The following SCML4 variants were observed in gnomAD, a reference collection of about 807,000 sequenced individuals.
SCML4 encodes Scm polycomb group protein like 4, also known as sex comb on midleg-like protein 4.
A neutral mutation model predicts 41.1 loss-of-function variants in SCML4; 34 were observed. The ratio of observed to expected loss-of-function variants is 0.83; its 90% confidence interval spans 0.63 to 1.10. The LOEUF (loss-of-function observed/expected upper bound fraction) is 1.10. SCML4 is among the 50% of genes least tolerant of loss of function. SCML4 has a pLI of 0.00. For synonymous variants in SCML4, 214 were observed against 220.9 expected (o/e 0.97, Z 0.28); for missense variants, 522 against 534.1 (o/e 0.98, Z 0.22).
At chr6:107,786,128 T>C (rs1458599472) in intron 1 of SCML4, among the ~76,000 whole-genome samples, 1 of 152,228 alleles carries the variant, frequency 6.6e-6, no homozygotes, top group Non-Finnish European at 1.5e-5. Context: ...TCTGGAATAA[T>C]GAAACTGACC....
chr6:107,811,678 G>A (rs1175976938), intron 1 of SCML4, among the ~76,000 whole-genome samples: 1 of 152,184 alleles, frequency 6.6e-6, no homozygotes, highest in African/African-American at 2.4e-5. Flanking sequence ...TCCAGTCAAA[G>A]AGGCCAAAGA....
intron 2 of SCML4, among the ~76,000 whole-genome samples, chr6:107,768,356 C>A (rs1251778167): frequency 2.6e-5 from 4 of 152,128 alleles, no homozygotes; most frequent in African/African-American, 9.7e-5. Context: ...GTTATTTAGC[C>A]CTTGTTACAG....
intron 5 of SCML4, among the ~76,000 whole-genome samples, chr6:107,728,863 C>T (rs1212101818): frequency 6.6e-6 from 1 of 152,160 alleles, no homozygotes; most frequent in African/African-American, 2.4e-5. Flanking sequence ...TCCTGGGTGG[C>T]CGCGAGTGAA....
At chr6:107,740,611 T>A (rs886298018) in intron 5 of SCML4, among the ~76,000 whole-genome samples, 2 of 152,190 alleles carry the variant, frequency 1.3e-5, no homozygotes, top group African/African-American at 4.8e-5. Flanking sequence ...AGGATCATCT[T>A]AGATCCTTTC....
At chr6:107,778,678 G>A (rs947194398) in intron 1 of SCML4, among the ~76,000 whole-genome samples, 1 of 152,076 alleles carries the variant, frequency 6.6e-6, no homozygotes, top group African/African-American at 2.4e-5. Flanking sequence ...AGGTCCTGGC[G>A]AATCATGCTT....
intron 1 of SCML4, among the ~76,000 whole-genome samples, chr6:107,823,111 AC>A (rs1785067155): frequency 6.6e-6 from 1 of 152,118 alleles, no homozygotes; most frequent in Non-Finnish European, 1.5e-5. Flanking sequence ...TATAACAAAT[AC>A]CCTGATTCTG....
chr6:107,726,305 G>T (rs1302880958), intron 5 of SCML4, among the ~76,000 whole-genome samples: 1 of 151,758 alleles, frequency 6.6e-6, no homozygotes. Context: ...AGGCTGAGGC[G>T]GGTGGATCAT....
chr6:107,777,799 C>A (rs556376645), intron 1 of SCML4, among the ~76,000 whole-genome samples: 1 of 152,274 alleles, frequency 6.6e-6, no homozygotes, highest in African/African-American at 2.4e-5. Context: ...ACACCACCTC[C>A]CCACAGGTGG....
chr6:107,810,435 G>A (rs1784073133), intron 1 of SCML4, among the ~76,000 whole-genome samples: 1 of 152,186 alleles, frequency 6.6e-6, no homozygotes, highest in East Asian at 1.9e-4. Flanking sequence ...AAAAGGCAGA[G>A]AGGGGCGTTG....
chr6:107,794,099 G>A (rs1390442016), intron 1 of SCML4, among the ~76,000 whole-genome samples: 1 of 152,218 alleles, frequency 6.6e-6, no homozygotes, highest in East Asian at 1.9e-4. Flanking sequence ...TTTTCAAAAA[G>A]TATCTTTGCT....
intron 6 of SCML4, among the ~76,000 whole-genome samples, chr6:107,715,167 G>A (rs1230770524): frequency 5.8e-4 from 80 of 137,582 alleles, no homozygotes; most frequent in Non-Finnish European, 9.2e-4. Context: ...TAGGGACGGG[G>A]TTTCACCATA....
At chr6:107,707,806 A>T in intron 7 of SCML4, 60 bp downstream of exon 7, 1 of 1,547,274 alleles carries the variant, frequency 6.5e-7, no homozygotes, top group Non-Finnish European at 8.7e-7. Context: ...CCTGGACCTC[A>T]CTCTCCTTCT....
intron 5 of SCML4, among the ~76,000 whole-genome samples, chr6:107,733,777 C>T (rs1776782711): frequency 6.6e-6 from 1 of 152,224 alleles, no homozygotes; most frequent in African/African-American, 2.4e-5. Flanking sequence ...AATCAGAGAA[C>T]TTGGTTTCCA....
At chr6:107,763,288 A>T (rs1029961648) in intron 2 of SCML4, among the ~76,000 whole-genome samples, 1 of 151,920 alleles carries the variant, frequency 6.6e-6, no homozygotes, top group Non-Finnish European at 1.5e-5. Flanking sequence ...ACTAACACCC[A>T]ATGTGAAGGT....
At chr6:107,756,264 G>C (rs9400139) in intron 2 of SCML4, among the ~76,000 whole-genome samples, 22,589 of 152,046 alleles carry the variant, frequency 0.15, 1,896 homozygotes, top group Middle Eastern at 0.2. Flanking sequence ...TCAACCATAG[G>C]ATCAAGGTCA....
Position 107,790,375 on chromosome 6 carries a change from C to A in SCML4, c.-59-17989G>T, listed in dbSNP as rs568455931. ...GGGGAGAGAGAGCAATACAATGATA[C>A]AATTGAGGACTTCCACTTCTTAGTT... On this transcript the variant is annotated intron_variant, in intron 1 of 7. Coordinates refer to ENST00000369020, the MANE Select transcript of SCML4 (RefSeq NM_198081.5). 2.0e-5 allele frequency among the ~76,000 whole-genome samples: 3 copies of A among 152,246 alleles called. No homozygotes were observed. The South Asian group carries it at 6.2e-4, about 32-fold the overall frequency.
chr6:107,841,206 T>C, the SCML4 span, among the ~76,000 whole-genome samples: 1 of 151,298 alleles, frequency 6.6e-6, no homozygotes, highest in Non-Finnish European at 1.5e-5. Flanking sequence ...GCACCTGTAA[T>C]TCTGGCTGCT....
chr6:107,784,273 C>T (rs1227211681), intron 1 of SCML4, among the ~76,000 whole-genome samples: 1 of 152,100 alleles, frequency 6.6e-6, no homozygotes, highest in Non-Finnish European at 1.5e-5. Flanking sequence ...GGAGATACAC[C>T]TGCAGGCAAA....
chr6:107,835,130 G>A, the SCML4 span, among the ~76,000 whole-genome samples: 3 of 152,104 alleles, frequency 2.0e-5, no homozygotes, highest in Admixed American at 1.3e-4. Flanking sequence ...GGAGGCCGAG[G>A]CGGGTGGATT....
Sources: gnomAD v4.1 joint callset for allele counts (sites outside exome capture counted in the v4.1 genomes callset) on GRCh38, gnomAD v4.1.1 for gene constraint, MANE v1.5 for transcripts, NCBI Gene and HGNC (gene_info 2026-07-23, HGNC 2026-07-21) for gene names.